MAGI2: variants seen among roughly 807,000 people sequenced by gnomAD.
The protein encoded by MAGI2 is membrane-associated guanylate kinase, WW and PDZ domain-containing protein 2.
In MAGI2, 35 loss-of-function variants were observed where a neutral mutation model predicts 133.3. The ratio of observed to expected loss-of-function variants is 0.26; its 90% CI spans 0.20 to 0.35. The LOEUF (loss-of-function observed/expected upper bound fraction) is 0.35, where lower values mean the gene tolerates loss of function less well. Ranked by LOEUF, MAGI2 falls within the 10% of genes least tolerant of loss-of-function variation. The probability of loss-of-function intolerance (pLI) is 1.00; values close to 1 mark genes in which losing one functional copy is unlikely to be tolerated. For missense variants in MAGI2, 1,636 were observed against 1,863.4 expected, an observed-to-expected ratio of 0.88 and a Z score of 2.25; for synonymous variants, 729 against 710.6, an observed-to-expected ratio of 1.03 and a Z score of -0.41.
intron 6 of MAGI2, among the ~76,000 whole-genome samples, chr7:78,398,722 T>C (rs563353110): frequency 3.9e-5 from 6 of 152,152 alleles, no homozygotes; most frequent in Non-Finnish European, 8.8e-5. Flanking sequence ...CTAACTTTCC[T>C]AAGTACCAAT....
intron 2 of MAGI2, among the ~76,000 whole-genome samples, chr7:78,747,355 G>A (rs1033024654): frequency 6.6e-6 from 1 of 152,014 alleles, no homozygotes; most frequent in Non-Finnish European, 1.5e-5. Flanking sequence ...AGTCATATAA[G>A]AAATGCATTA....
At chr7:78,111,288 C>T (rs1282010293) in intron 20 of MAGI2, among the ~76,000 whole-genome samples, 3 of 152,118 alleles carry the variant, frequency 2.0e-5, no homozygotes, top group South Asian at 2.1e-4. Flanking sequence ...TAAACTTTCT[C>T]GTTCTTTTCC....
chr7:78,085,561 C>T (rs1460774480), intron 20 of MAGI2, among the ~76,000 whole-genome samples: 1 of 138,286 alleles, frequency 7.2e-6, no homozygotes, highest in African/African-American at 3.2e-5. Context: ...CACACACACA[C>T]ACACACACAC....
At chr7:78,678,857 A>G (rs895409757) in intron 2 of MAGI2, among the ~76,000 whole-genome samples, 1 of 152,140 alleles carries the variant, frequency 6.6e-6, no homozygotes, top group Non-Finnish European at 1.5e-5. Flanking sequence ...TTTGAAATTT[A>G]TCTTTCTGAA....
chr7:78,665,557 A>G (rs1212639372), intron 2 of MAGI2, among the ~76,000 whole-genome samples: 3 of 152,170 alleles, frequency 2.0e-5, no homozygotes, highest in South Asian at 2.1e-4. Context: ...CTTTCTGGAC[A>G]TATATTAGAA....
At chr7:78,039,480 A>T (rs1190916051) in intron 21 of MAGI2, 1 of 152,186 alleles carries the variant, frequency 6.6e-6, no homozygotes, top group African/African-American at 2.4e-5. Flanking sequence ...TTTGTGCTCT[A>T]GGTCAATAGG....
intron 9 of MAGI2, among the ~76,000 whole-genome samples, chr7:78,287,516 AGATT>A (rs1796268193): frequency 6.6e-6 from 1 of 152,194 alleles, no homozygotes. Context: ...TGGTACTGTC[AGATT>A]GTCATTATGA....
At chr7:79,143,361 T>C (rs1021028807) in intron 1 of MAGI2, among the ~76,000 whole-genome samples, 2 of 152,202 alleles carry the variant, frequency 1.3e-5, no homozygotes, top group African/African-American at 4.8e-5. Flanking sequence ...TATTAAGTGA[T>C]GTGAAGAGAT....
chr7:78,177,416 G>GCACACA lies in MAGI2; in HGVS notation c.2403+594_2403+595insTGTGTG, dbSNP rs750332381. 3.0e-4 allele frequency among the ~76,000 whole-genome samples: 22 copies of GCACACA among 73,748 alleles called. 1 individual carries two copies. Among genetic ancestry groups the GCACACA allele is most frequent in the Non-Finnish European group, 5.5e-4 (18 of 32,836 alleles). 48.4% of individuals were successfully genotyped at this position (73,748 alleles called of 152,430 possible). A position where few individuals can be genotyped will look rare whatever the true frequency, so the allele number is the denominator to read the frequency against. On this transcript the variant is annotated intron_variant, in intron 14 of 21. Coordinates refer to ENST00000354212, the MANE Select transcript of MAGI2 (RefSeq NM_012301.4). ...GTATTTTATGTTTCACTGTGAATACGCGCACACACACACACACACACACAC... is the reference window on the plus strand; with the variant it reads ...GTATTTTATGTTTCACTGTGAATACGCACACACGCACACACACACACACACACACAC...
chr7:78,268,511 C>T (rs1562717302), intron 9 of MAGI2, among the ~76,000 whole-genome samples: 1 of 152,080 alleles, frequency 6.6e-6, no homozygotes, highest in Non-Finnish European at 1.5e-5. Flanking sequence ...AATATAGTGT[C>T]CCCATTACAT....
chr7:78,547,255 T>C (rs756393610), intron 3 of MAGI2, among the ~76,000 whole-genome samples: 4 of 152,178 alleles, frequency 2.6e-5, no homozygotes, highest in Non-Finnish European at 5.9e-5. Context: ...TTAATTAAAA[T>C]AAGTAAGATT....
intron 5 of MAGI2, among the ~76,000 whole-genome samples, chr7:78,492,852 A>C (rs972190979): frequency 6.6e-6 from 1 of 152,220 alleles, no homozygotes; most frequent in African/African-American, 2.4e-5. Context: ...CTACATTTGC[A>C]CATAAACTTT....
chr7:78,884,333 A>C (rs1473939763), intron 2 of MAGI2, among the ~76,000 whole-genome samples: 1 of 152,144 alleles, frequency 6.6e-6, no homozygotes. Context: ...AAAATAAAAA[A>C]ATTAGCCAAG....
chr7:79,014,018 C>T (rs1283882391), intron 1 of MAGI2, among the ~76,000 whole-genome samples: 1 of 151,916 alleles, frequency 6.6e-6, no homozygotes, highest in Non-Finnish European at 1.5e-5. Flanking sequence ...TCTTCAAAAT[C>T]TTTGTGGTAT....
chr7:78,339,300 C>T (rs1263189639), intron 9 of MAGI2, among the ~76,000 whole-genome samples: 1 of 152,144 alleles, frequency 6.6e-6, no homozygotes. Flanking sequence ...TTTATCTTGC[C>T]TAGGACCTGC....
At chr7:79,061,970 G>A (rs1813790392) in intron 1 of MAGI2, among the ~76,000 whole-genome samples, 1 of 152,012 alleles carries the variant, frequency 6.6e-6, no homozygotes, top group Non-Finnish European at 1.5e-5. Context: ...TCATTTCTGT[G>A]AGAATTAAAT....
chr7:78,029,491 T>C (rs1011078172), intron 21 of MAGI2, among the ~76,000 whole-genome samples: 3 of 152,242 alleles, frequency 2.0e-5, no homozygotes, highest in African/African-American at 7.2e-5. Context: ...TCAAATACGA[T>C]TTTAAATGAA....
intron 11 of MAGI2, among the ~76,000 whole-genome samples, chr7:78,200,759 A>T (rs1210103616): frequency 6.6e-6 from 1 of 152,136 alleles, no homozygotes; most frequent in Non-Finnish European, 1.5e-5. Context: ...ACAGAGTTAA[A>T]TTTTTTGTGG....
chr7:78,440,085 A>G (rs187557009), intron 6 of MAGI2, among the ~76,000 whole-genome samples: 4 of 151,974 alleles, frequency 2.6e-5, no homozygotes, highest in Admixed American at 2.0e-4. Flanking sequence ...TTAAATATAA[A>G]TATATTTATA....
Sources: allele counts gnomAD v4.1 joint callset (sites outside exome capture counted in the v4.1 genomes callset), GRCh38; gene constraint gnomAD v4.1.1; transcripts MANE v1.5; gene names NCBI Gene and HGNC (gene_info 2026-07-23, HGNC 2026-07-21).